Variants in ARHGAP26 observed in about 807,000 individuals in gnomAD.
ARHGAP26 encodes the protein rho GTPase-activating protein 26.
ARHGAP26 carries 38 observed loss-of-function variants against 104.8 expected under a neutral mutation model. The ratio of observed to expected loss-of-function variants is 0.36; its 90% confidence interval spans 0.28 to 0.48. The LOEUF is 0.48. Ranked by LOEUF, ARHGAP26 falls within the 20% of genes least tolerant of loss-of-function variation. The pLI is 0.99. For synonymous variants in ARHGAP26, 341 were observed against 340.0 expected (o/e 1.00, Z -0.03); for missense variants, 704 against 947.9 (o/e 0.74, Z 3.38).
At chr5:142,798,841 A>T (rs1761501732) in intron 1 of ARHGAP26, among the ~76,000 whole-genome samples, 1 of 152,178 alleles carries the variant, frequency 6.6e-6, no homozygotes, top group African/African-American at 2.4e-5. Context: ...GGAATTGACT[A>T]GTTCAGGGCT....
chr5:143,008,913 C>T (rs958691079), intron 11 of ARHGAP26, among the ~76,000 whole-genome samples: 7 of 152,190 alleles, frequency 4.6e-5, no homozygotes, highest in African/African-American at 1.7e-4. Context: ...ACTGGCTCAG[C>T]AGTGAACAGA....
At chr5:143,149,829 A>T (rs901303286) in intron 20 of ARHGAP26, among the ~76,000 whole-genome samples, 9 of 152,202 alleles carry the variant, frequency 5.9e-5, no homozygotes, top group Non-Finnish European at 1.3e-4. Flanking sequence ...TGCATGAGGT[A>T]GGGAACCAGT....
At chr5:143,161,871 T>C (rs1801280377) in intron 20 of ARHGAP26, among the ~76,000 whole-genome samples, 1 of 152,234 alleles carries the variant, frequency 6.6e-6, no homozygotes, top group African/African-American at 2.4e-5. Context: ...TGGAAAGCCC[T>C]GTTCAGTCTA....
At chr5:142,886,517 A>G (rs1454284120) in intron 5 of ARHGAP26, among the ~76,000 whole-genome samples, 1 of 152,218 alleles carries the variant, frequency 6.6e-6, no homozygotes, top group Non-Finnish European at 1.5e-5. Flanking sequence ...AAGGTTTATA[A>G]TGGACTTTGT....
intron 17 of ARHGAP26, among the ~76,000 whole-genome samples, chr5:143,081,647 G>A (rs1789826800): frequency 6.6e-6 from 1 of 152,170 alleles, no homozygotes; most frequent in African/African-American, 2.4e-5. Flanking sequence ...CCATCTCAGA[G>A]TCAGTGTTGT....
chr5:142,889,573 A>G (rs1036160807), intron 5 of ARHGAP26, among the ~76,000 whole-genome samples: 1 of 151,908 alleles, frequency 6.6e-6, no homozygotes, highest in African/African-American at 2.4e-5. Flanking sequence ...AGCTGAGATC[A>G]TGCCACTCCA....
intron 11 of ARHGAP26, among the ~76,000 whole-genome samples, chr5:142,986,247 C>G (rs1237874957): frequency 6.6e-6 from 1 of 152,200 alleles, no homozygotes; most frequent in Non-Finnish European, 1.5e-5. Flanking sequence ...TTGCATTTCT[C>G]TGATGGCCAG....
intron 17 of ARHGAP26, among the ~76,000 whole-genome samples, chr5:143,063,067 A>ACCG (rs1475076488): frequency 6.6e-6 from 1 of 152,150 alleles, no homozygotes; most frequent in East Asian, 1.9e-4. Context: ...ACCACTGAAC[A>ACCG]CCGCAGTGCT....
intron 19 of ARHGAP26, among the ~76,000 whole-genome samples, chr5:143,146,287 A>G (rs1799146200): frequency 6.6e-6 from 1 of 152,208 alleles, no homozygotes; most frequent in African/African-American, 2.4e-5. Context: ...GTTTTTAAAG[A>G]TGGGAAGAAC....
At chr5:142,903,419 G>T (rs1760660423) in intron 7 of ARHGAP26, 121 bp from the exon 8 acceptor site, 1 of 1,122,036 alleles carries the variant, frequency 8.9e-7, no homozygotes, top group African/African-American at 1.6e-5. Context: ...TATTTGGCCA[G>T]TTCCTGGAAG....
chr5:142,776,877 C>T (rs1644060), intron 1 of ARHGAP26, among the ~76,000 whole-genome samples: 39,241 of 152,096 alleles, frequency 0.26, 9,605 homozygotes, highest in African/African-American at 0.64. Context: ...TTCACATTCC[C>T]ACCAACAATG....
At chr5:143,192,834 TC>T (rs1562584855) in intron 20 of ARHGAP26, among the ~76,000 whole-genome samples, 2 of 152,190 alleles carry the variant, frequency 1.3e-5, no homozygotes, top group African/African-American at 4.8e-5. Flanking sequence ...TCTTTTTTTT[TC>T]ATGTTAACTT....
intron 20 of ARHGAP26, among the ~76,000 whole-genome samples, chr5:143,151,312 A>G (rs545486928): frequency 6.6e-6 from 1 of 152,352 alleles, no homozygotes; most frequent in African/African-American, 2.4e-5. Flanking sequence ...ACTCTCACTC[A>G]TTACTGGTGG....
At chr5:142,805,142 C>T (rs1487719820) in intron 1 of ARHGAP26, among the ~76,000 whole-genome samples, 5 of 135,584 alleles carry the variant, frequency 3.7e-5, no homozygotes, top group South Asian at 4.6e-4. Flanking sequence ...TCACCCTTTT[C>T]GCCAGGCTGG....
intron 17 of ARHGAP26, among the ~76,000 whole-genome samples, chr5:143,068,209 C>T (rs150713760): frequency 6.6e-6 from 1 of 152,264 alleles, no homozygotes; most frequent in African/African-American, 2.4e-5. Context: ...TATTGAAAGG[C>T]TCCTGGGTCA....
chr5:143,040,680 G>A (rs140382803), intron 13 of ARHGAP26, among the ~76,000 whole-genome samples: 1 of 152,348 alleles, frequency 6.6e-6, no homozygotes, highest in African/African-American at 2.4e-5. Context: ...TTAGATTGAA[G>A]CGGTTGCATT....
At chr5:142,913,079 T>A in intron 9 of ARHGAP26, 120 bp from the exon 10 acceptor site, 2 of 861,024 alleles carry the variant, frequency 2.3e-6, no homozygotes, top group South Asian at 1.5e-5. Context: ...CTGCCCATGG[T>A]CATGAGCACT....
chr5:143,073,869 G>A (rs1034858168), intron 17 of ARHGAP26, among the ~76,000 whole-genome samples: 4 of 152,150 alleles, frequency 2.6e-5, no homozygotes, highest in Non-Finnish European at 5.9e-5. Context: ...CTGAGCTCCC[G>A]TTAACTTCGA....
chr5:142,907,402 G>A (rs1353153886), intron 8 of ARHGAP26: 3 of 174,892 alleles, frequency 1.7e-5, no homozygotes, highest in Non-Finnish European at 2.4e-5. Context: ...TGATGGGAAC[G>A]GGGATTAGTT....
Sources: allele counts gnomAD v4.1 joint callset (sites outside exome capture counted in the v4.1 genomes callset), GRCh38; gene constraint gnomAD v4.1.1; transcripts MANE v1.5; gene names NCBI Gene and HGNC (gene_info 2026-07-23, HGNC 2026-07-21).